PABPC4L: variants seen among roughly 807,000 people sequenced by gnomAD.
PABPC4L encodes polyadenylate-binding protein 4-like.
For missense variants in PABPC4L, 452 were observed against 451.4 expected, an observed-to-expected ratio of 1.00 and a Z score of -0.01; for synonymous variants, 169 against 164.1, an observed-to-expected ratio of 1.03 and a Z score of -0.23.
At chr4:134,063,267 TG>T in the PABPC4L span, among the ~76,000 whole-genome samples, 4 of 152,042 alleles carry the variant, frequency 2.6e-5, no homozygotes, top group Admixed American at 1.3e-4. Flanking sequence ...ATAGACGTGT[TG>T]GTTTGAGGGG....
the PABPC4L span, among the ~76,000 whole-genome samples, chr4:133,979,203 G>A: frequency 6.6e-6 from 1 of 152,122 alleles, no homozygotes; most frequent in South Asian, 2.1e-4. Context: ...GAATCTCAGT[G>A]AGCAAAACAG....
At chr4:134,003,402 C>T in the PABPC4L span, among the ~76,000 whole-genome samples, 5 of 151,744 alleles carry the variant, frequency 3.3e-5, no homozygotes, top group Admixed American at 2.6e-4. Flanking sequence ...TGTTTATGAT[C>T]TATTATCCTT....
At chr4:133,994,831 A>T in the PABPC4L span, among the ~76,000 whole-genome samples, 80 of 152,232 alleles carry the variant, frequency 5.3e-4, no homozygotes, top group African/African-American at 1.9e-3. Context: ...CATCATAAAT[A>T]ATATCTCACT....
chr4:134,092,612 C>A, the PABPC4L span, among the ~76,000 whole-genome samples: 2 of 152,134 alleles, frequency 1.3e-5, no homozygotes, highest in Non-Finnish European at 2.9e-5. Flanking sequence ...GAAACACACA[C>A]CCTCTGGGGC....
the PABPC4L span, among the ~76,000 whole-genome samples, chr4:134,179,475 C>T: frequency 6.6e-6 from 1 of 152,046 alleles, no homozygotes. Flanking sequence ...AACAGCCACA[C>T]AAAGAAGTCT....
chr4:134,171,710 A>C, the PABPC4L span, among the ~76,000 whole-genome samples: 1 of 152,162 alleles, frequency 6.6e-6, no homozygotes, highest in Admixed American at 6.6e-5. Flanking sequence ...AAATAGGAGG[A>C]GAGGAAGTAA....
chr4:134,145,886 T>C, the PABPC4L span, among the ~76,000 whole-genome samples: 1 of 152,012 alleles, frequency 6.6e-6, no homozygotes, highest in Admixed American at 6.6e-5. Context: ...ACATTTAATC[T>C]TGAAAGTTTA....
the PABPC4L span, among the ~76,000 whole-genome samples, chr4:134,019,806 T>C: frequency 6.6e-6 from 1 of 152,240 alleles, no homozygotes; most frequent in East Asian, 1.9e-4. Flanking sequence ...CTGCTTATCA[T>C]AGTCATTAGT....
the PABPC4L span, among the ~76,000 whole-genome samples, chr4:134,085,320 C>CAT: frequency 1.1e-4 from 17 of 151,974 alleles, no homozygotes; most frequent in South Asian, 2.7e-3. Flanking sequence ...ACATAAAATA[C>CAT]ATATATATAT....
At chr4:134,043,247 G>A in the PABPC4L span, among the ~76,000 whole-genome samples, 1 of 152,156 alleles carries the variant, frequency 6.6e-6, no homozygotes, top group Non-Finnish European at 1.5e-5. Flanking sequence ...AAGAATTGAT[G>A]CTATTAGTTT....
the PABPC4L span, among the ~76,000 whole-genome samples, chr4:134,042,562 T>TA: frequency 6.6e-6 from 1 of 152,172 alleles, no homozygotes; most frequent in African/African-American, 2.4e-5. Context: ...AATGACCATA[T>TA]AATTTATTTT....
At chr4:134,133,404 A>C in the PABPC4L span, among the ~76,000 whole-genome samples, 1 of 144,322 alleles carries the variant, frequency 6.9e-6, no homozygotes. Flanking sequence ...TAAATATTAT[A>C]TATTATTATA....
downstream of PABPC4L, among the ~76,000 whole-genome samples, chr4:134,195,769 A>C (rs1011613451): frequency 1.3e-5 from 2 of 151,702 alleles, no homozygotes; most frequent in Admixed American, 1.3e-4. Context: ...ACCATGAGAC[A>C]AAACCAACAC....
At chr4:133,983,968 GAA>G in the PABPC4L span, among the ~76,000 whole-genome samples, 4 of 151,700 alleles carry the variant, frequency 2.6e-5, no homozygotes, top group African/African-American at 9.7e-5. Flanking sequence ...CTTTCACATA[GAA>G]AGAGTACAAA....
the PABPC4L span, among the ~76,000 whole-genome samples, chr4:134,058,062 C>T: frequency 6.6e-6 from 1 of 151,766 alleles, no homozygotes; most frequent in Non-Finnish European, 1.5e-5. Flanking sequence ...ATCTAAGTGT[C>T]TAATAAGAAA....
At chr4:133,970,846 A>G in the PABPC4L span, among the ~76,000 whole-genome samples, 1 of 152,160 alleles carries the variant, frequency 6.6e-6, no homozygotes. Context: ...GCCATCTGTG[A>G]ATCAGAAAGC....
chr4:134,114,019 T>G, the PABPC4L span, among the ~76,000 whole-genome samples: 2 of 151,750 alleles, frequency 1.3e-5, no homozygotes, highest in Admixed American at 1.3e-4. Flanking sequence ...GCGGAACACT[T>G]TGGAAATACT....
chr4:133,995,910 T>C, the PABPC4L span, among the ~76,000 whole-genome samples: 1 of 152,208 alleles, frequency 6.6e-6, no homozygotes, highest in Non-Finnish European at 1.5e-5. Context: ...TTAATCCTTT[T>C]GTAAATGGGC....
chr4:134,113,784 A>G, the PABPC4L span, among the ~76,000 whole-genome samples: 1 of 151,882 alleles, frequency 6.6e-6, no homozygotes, highest in Non-Finnish European at 1.5e-5. Context: ...TGCAAAATGT[A>G]GGAGAAAGTC....
Sources: allele counts gnomAD v4.1 joint callset (sites outside exome capture counted in the v4.1 genomes callset), GRCh38; gene constraint gnomAD v4.1.1; transcripts MANE v1.5; gene names NCBI Gene and HGNC (gene_info 2026-07-23, HGNC 2026-07-21).